Variants in HFM1 observed in about 807,000 individuals in gnomAD.
The protein encoded by HFM1 is helicase for meiosis 1.
Under a neutral mutation model 192.1 loss-of-function variants are expected in HFM1, and 169 were observed. That is an observed-to-expected ratio of 0.88 (90% CI 0.78 to 1.00). The LOEUF (loss-of-function observed/expected upper bound fraction) is 1.00, where lower values mean the gene tolerates loss of function less well. HFM1 is among the 50% of genes least tolerant of loss of function. The probability of loss-of-function intolerance (pLI) is 0.00; values close to 1 mark genes in which losing one functional copy is unlikely to be tolerated. For missense variants in HFM1, 1,661 were observed against 1,668.0 expected (o/e 1.00, Z 0.07); for synonymous variants, 525 against 537.8 (o/e 0.98, Z 0.33).
At chr1:91,391,967 A>G (rs1479744571) in intron 4 of HFM1, among the ~76,000 whole-genome samples, 3 of 152,244 alleles carry the variant, frequency 2.0e-5, no homozygotes, top group Non-Finnish European at 4.4e-5. Context: ...AAAAGAAGAC[A>G]TTTATGCAGC....
intron 8 of HFM1, 59 bp from the exon 9 acceptor site, chr1:91,379,273 A>C: frequency 7.3e-7 from 1 of 1,377,792 alleles, no homozygotes; most frequent in Admixed American, 2.2e-5. Flanking sequence ...TTCTTTTCAC[A>C]AACTTTGGTT....
intron 30 of HFM1, among the ~76,000 whole-genome samples, chr1:91,286,153 C>T (rs1667952343): frequency 6.6e-6 from 1 of 152,174 alleles, no homozygotes; most frequent in African/African-American, 2.4e-5. Flanking sequence ...ATCAGCACCC[C>T]TAGAAACTAT....
At chr1:91,364,630 A>ATT (rs369717640) in intron 13 of HFM1, among the ~76,000 whole-genome samples, 4,443 of 73,682 alleles carry the variant, frequency 0.06, 210 homozygotes, top group South Asian at 0.068. Flanking sequence ...ATATATATAT[A>ATT]TATTTTTTTT....
rs536680917 is a variant in HFM1 at position 91,354,806 on chromosome 1, TCAC to T, written c.1686-1510_1686-1508del. ...CCAGATAAATAAAAGCTGAAGAAAT[TCAC>T]CACTAGACCTGCCTTATAAGAAATG... is the stretch of plus-strand genomic sequence containing the variant. On this transcript the variant is annotated intron_variant, in intron 13 of 38. Coordinates refer to ENST00000370425, the MANE Select transcript of HFM1 (RefSeq NM_001017975.6). Among the ~76,000 whole-genome samples, 147 of 152,188 alleles carry T rather than the reference TCAC, an allele frequency of 9.7e-4. 7 individuals carry two copies. The South Asian group carries it at 0.028, about 29-fold the overall frequency.
intron 1 of HFM1, among the ~76,000 whole-genome samples, chr1:91,404,083 A>G (rs552144194): frequency 6.0e-4 from 91 of 152,344 alleles, no homozygotes; most frequent in Admixed American, 9.1e-4. Flanking sequence ...GTCACAAATA[A>G]CTGCAGAGAA....
rs145213320 is a variant in HFM1 at position 91,364,102 on chromosome 1, G to GA, written c.1686-10804dup. On this transcript the variant is annotated intron_variant, in intron 13 of 38. Coordinates refer to ENST00000370425, the MANE Select transcript of HFM1 (RefSeq NM_001017975.6). The stretch of plus-strand genomic sequence containing the variant: ...GAGCTTAATACCTAGGTTATGCGAT[G>GA]ATTTGTACAGCAATCCACCATGTCA... Among the ~76,000 whole-genome samples the GA allele has an allele frequency of 6.3e-4, 95 of 151,894 alleles. 1 individual carries two copies. The East Asian group carries it at 0.017, about 27-fold the overall frequency.
chr1:91,328,361 C>T (rs1653249851), intron 20 of HFM1: 5 of 1,551,598 alleles, frequency 3.2e-6, no homozygotes, highest in Non-Finnish European at 4.4e-6. Flanking sequence ...AAAGGCCAGT[C>T]ATCCCTCCTC....
In HFM1 at chr1:91,378,479, T is replaced by A. The variant is rs952598926; in HGVS notation, c.1160A>T (p.Glu387Val). The change falls in exon 10 of 39, where the codon GAA becomes GTA. Residue 387 changes from glutamate (E) to valine (V), a missense_variant and splice_region_variant. Physicochemically the swap from Glu to Val is moderately radical, Grantham distance 121 (BLOSUM62 -2). Transcript: ENST00000370425. Reference sequence around the variant, plus strand: ...TTTCCTAGTCATGCTATCCCATTTTTCCTAGAGAGAAAAAAAAGCATACAA... The same window carrying A: ...TTTCCTAGTCATGCTATCCCATTTTACCTAGAGAGAAAAAAAAGCATACAA... ...QHAHIIMTTP[E>V]KWDSMTRKWR... is the part of the protein sequence containing the mutation. The A allele has an allele frequency of 3.8e-6, 6 of 1,585,220 alleles. No individual in the cohort carries two copies. Among genetic ancestry groups the A allele is most frequent in the Non-Finnish European group, 5.2e-6 (6 of 1,157,204 alleles).
At chr1:91,308,257 A>G (rs1041751128) in intron 30 of HFM1, among the ~76,000 whole-genome samples, 1 of 151,928 alleles carries the variant, frequency 6.6e-6, no homozygotes. Context: ...TGAGTATTAT[A>G]TTCCTTTGTG....
At chr1:91,348,192 T>C (rs2101695486) in intron 18 of HFM1, among the ~76,000 whole-genome samples, 1 of 152,232 alleles carries the variant, frequency 6.6e-6, no homozygotes, top group East Asian at 1.9e-4. Flanking sequence ...CAGTTTACTA[T>C]AAGTGATATC....
At chr1:91,288,803 ATC>A (rs1387727797) in intron 30 of HFM1, among the ~76,000 whole-genome samples, 2 of 152,136 alleles carry the variant, frequency 1.3e-5, no homozygotes, top group African/African-American at 4.8e-5. Context: ...TAACAATCTG[ATC>A]TCTCTTTCTT....
intron 32 of HFM1, among the ~76,000 whole-genome samples, chr1:91,275,749 T>G (rs1357420875): frequency 6.6e-6 from 1 of 152,222 alleles, no homozygotes; most frequent in Non-Finnish European, 1.5e-5. Flanking sequence ...TACCCTAAAC[T>G]AGGCCATTAT....
At chr1:91,326,023 A>G (rs1399065918) in intron 20 of HFM1, among the ~76,000 whole-genome samples, 1 of 152,086 alleles carries the variant, frequency 6.6e-6, no homozygotes, top group African/African-American at 2.4e-5. Flanking sequence ...AAGAAACAGT[A>G]AGTGAGCTTG....
chr1:91,262,339 T>A lies in HFM1; in HGVS notation c.4140A>T (p.Gln1380His). 1 of 1,570,936 alleles carries A rather than the reference T, an allele frequency of 6.4e-7. No homozygotes were observed. The highest frequency in any genetic ancestry group is 8.7e-7 in the Non-Finnish European group (1 of 1,155,892). Residue 1380 changes from glutamine (Q) to histidine (H), a missense_variant, in exon 38 of 39, where the codon CAA becomes CAT. By Grantham distance (24) the Gln-to-His change is conservative. Transcript: ENST00000370425. ...GGTTTTTTTCAGAGAAAGTAAAGCA[T>A]TGCTTCTCAATCTCTGGTGACAGAT... ...PQNLSPEIEK[Q>H]CFTFSEKNPN...
intron 20 of HFM1, chr1:91,328,930 C>T: frequency 6.2e-7 from 1 of 1,611,674 alleles, no homozygotes; most frequent in Non-Finnish European, 8.5e-7. Flanking sequence ...TGGACTGCTT[C>T]ACCTTCGGCA....
chr1:91,291,332 A>G (rs1339067862), intron 30 of HFM1, among the ~76,000 whole-genome samples: 2 of 152,194 alleles, frequency 1.3e-5, no homozygotes, highest in Admixed American at 6.5e-5. Context: ...AAAAGAGAGA[A>G]GAATCAAATA....
intron 30 of HFM1, among the ~76,000 whole-genome samples, chr1:91,284,667 G>A (rs1667773320): frequency 6.6e-6 from 1 of 152,128 alleles, no homozygotes; most frequent in Non-Finnish European, 1.5e-5. Flanking sequence ...GCATTTAAAG[G>A]ATAAGAAGTT....
intron 13 of HFM1, among the ~76,000 whole-genome samples, chr1:91,357,732 A>C (rs1657939825): frequency 6.6e-6 from 1 of 152,242 alleles, no homozygotes; most frequent in Non-Finnish European, 1.5e-5. Context: ...AAACTGTTAG[A>C]ACTAATAATT....
At chr1:91,377,872 C>T in intron 11 of HFM1, 153 bp downstream of exon 11, 1 of 704,356 alleles carries the variant, frequency 1.4e-6, no homozygotes, top group Admixed American at 2.9e-5. Context: ...GGCCTTAATA[C>T]TGTTATATTT....
Sources: gnomAD v4.1 joint callset for allele counts (sites outside exome capture counted in the v4.1 genomes callset) on GRCh38, gnomAD v4.1.1 for gene constraint, MANE v1.5 for transcripts, NCBI Gene and HGNC (gene_info 2026-07-23, HGNC 2026-07-21) for gene names.